DNER: variants seen among roughly 807,000 people sequenced by gnomAD.
The protein encoded by DNER is delta/notch like EGF repeat containing, also known as delta and Notch-like epidermal growth factor-related receptor.
Under a neutral mutation model 78.2 loss-of-function variants are expected in DNER, and 33 were observed. The ratio of observed to expected loss-of-function variants is 0.42; its 90% CI spans 0.32 to 0.56. DNER has a LOEUF of 0.56. Ranked by LOEUF, DNER falls within the 20% of genes least tolerant of loss-of-function variation. DNER has a pLI of 0.11. For missense variants in DNER, 918 were observed against 975.3 expected, an observed-to-expected ratio of 0.94 and a Z score of 0.78; for synonymous variants, 417 against 384.8, an observed-to-expected ratio of 1.08 and a Z score of -0.98.
intron 1 of DNER, among the ~76,000 whole-genome samples, chr2:229,688,425 T>C (rs751828479): frequency 1.2e-4 from 18 of 152,194 alleles, no homozygotes; most frequent in Non-Finnish European, 2.1e-4. Flanking sequence ...CAGCATCAAC[T>C]TGAAGACTGA....
intron 1 of DNER, among the ~76,000 whole-genome samples, chr2:229,606,669 G>A (rs1238739913): frequency 6.6e-6 from 1 of 152,018 alleles, no homozygotes; most frequent in African/African-American, 2.4e-5. Context: ...AAGGCAGGAG[G>A]ATCACTGGAG....
rs141823205 is a variant in DNER, at chr2:229,456,064, G to A, written c.1262-8524C>T. 2.7e-4 allele frequency among the ~76,000 whole-genome samples: 41 copies of A among 152,114 alleles called. 1 individual carries two copies. Among genetic ancestry groups the A allele is most frequent in the South Asian group, 2.5e-3 (12 of 4,818 alleles). On this transcript the variant is annotated intron_variant, in intron 7 of 12. Transcript: ENST00000341772. ...TACTACAAAGGGATACCTGAGACTGGGTAATTTATAAAGAAAAGAGGTTTA... is the reference window on the plus strand; with the variant it reads ...TACTACAAAGGGATACCTGAGACTGAGTAATTTATAAAGAAAAGAGGTTTA...
chr2:229,639,691 C>T (rs1341069925), intron 1 of DNER, among the ~76,000 whole-genome samples: 1 of 152,096 alleles, frequency 6.6e-6, no homozygotes. Context: ...GGAAAAATAG[C>T]TAAGAGCAAT....
chr2:229,451,683 G>C (rs1045070004), intron 7 of DNER, among the ~76,000 whole-genome samples: 1 of 152,158 alleles, frequency 6.6e-6, no homozygotes, highest in African/African-American at 2.4e-5. Flanking sequence ...GCAGAGCTGG[G>C]ACACCAAGGC....
At chr2:229,623,148 T>C (rs1347504226) in intron 1 of DNER, among the ~76,000 whole-genome samples, 1 of 152,098 alleles carries the variant, frequency 6.6e-6, no homozygotes, top group East Asian at 1.9e-4. Context: ...GGGAGCATTC[T>C]CCCTATTGCG....
chr2:229,707,428 G>A lies in DNER; in HGVS notation c.276+6720C>T, dbSNP rs115062567. 9.2e-3 allele frequency among the ~76,000 whole-genome samples: 1,398 copies of A among 152,238 alleles called. 24 individuals are homozygous for A. The highest frequency in any genetic ancestry group is 0.032 in the African/African-American group (1,328 of 41,534). ...ATTGAAAAATATTCTGCACTTCCCA[G>A]AACAGACCTGGCACAAGGGAAATGA... is the stretch of plus-strand genomic sequence containing the variant. On this transcript the variant is annotated intron_variant, in intron 1 of 12. Coordinates refer to ENST00000341772, the MANE Select transcript of DNER (RefSeq NM_139072.4).
At chr2:229,676,745 A>G (rs1472753915) in intron 1 of DNER, among the ~76,000 whole-genome samples, 2 of 152,064 alleles carry the variant, frequency 1.3e-5, no homozygotes, top group Non-Finnish European at 2.9e-5. Context: ...TTTATTTTGT[A>G]TTTTATTTTA....
intron 5 of DNER, among the ~76,000 whole-genome samples, chr2:229,519,782 A>T (rs1416713761): frequency 6.6e-6 from 1 of 152,006 alleles, no homozygotes; most frequent in Non-Finnish European, 1.5e-5. Flanking sequence ...ACTCTCAAAT[A>T]ACCCCGGCAA....
intron 10 of DNER, among the ~76,000 whole-genome samples, chr2:229,391,597 A>G (rs1400308795): frequency 6.6e-6 from 1 of 152,046 alleles, no homozygotes; most frequent in African/African-American, 2.4e-5. Context: ...GCTTGAGTGC[A>G]GTGGCACAAT....
At chr2:229,438,477 C>T (rs1463674863) in intron 8 of DNER, among the ~76,000 whole-genome samples, 1 of 152,148 alleles carries the variant, frequency 6.6e-6, no homozygotes, top group African/African-American at 2.4e-5. Flanking sequence ...CTCTCAATGC[C>T]TCCATTACCT....
intron 7 of DNER, 140 bp from the exon 8 acceptor site, chr2:229,447,680 G>A: frequency 4.1e-6 from 4 of 967,220 alleles, no homozygotes; most frequent in Non-Finnish European, 6.1e-6. Context: ...CAACAAGATA[G>A]GTAGGTTGTT....
chr2:229,469,195 A>G (rs550619701), intron 7 of DNER, among the ~76,000 whole-genome samples: 141 of 152,312 alleles, frequency 9.3e-4, no homozygotes, highest in African/African-American at 3.2e-3. Flanking sequence ...CCTGTCCTCA[A>G]CGAGCCCAGA....
chr2:229,535,792 C>T (rs1453712953), intron 5 of DNER, among the ~76,000 whole-genome samples: 4 of 152,010 alleles, frequency 2.6e-5, no homozygotes, highest in East Asian at 1.9e-4. Context: ...TACAGGTGTG[C>T]ACCACCATAT....
chr2:229,692,088 T>C (rs1466314503), intron 1 of DNER, among the ~76,000 whole-genome samples: 2 of 152,184 alleles, frequency 1.3e-5, no homozygotes. Flanking sequence ...TCCCAGACAC[T>C]GCTGTGCCTA....
At chr2:229,696,099 C>CT (rs1699659049) in intron 1 of DNER, among the ~76,000 whole-genome samples, 1 of 152,188 alleles carries the variant, frequency 6.6e-6, no homozygotes, top group South Asian at 2.1e-4. Context: ...ACCAAGTCTC[C>CT]TGGCAGTGGT....
chr2:229,678,522 G>A (rs997242262), intron 1 of DNER, among the ~76,000 whole-genome samples: 2 of 152,234 alleles, frequency 1.3e-5, no homozygotes, highest in African/African-American at 4.8e-5. Flanking sequence ...ACTTGGAGAA[G>A]TCAGGTAAGT....
chr2:229,578,837 T>G (rs1350722097), intron 4 of DNER, among the ~76,000 whole-genome samples: 3 of 152,186 alleles, frequency 2.0e-5, no homozygotes, highest in African/African-American at 7.2e-5. Flanking sequence ...AGAGCTTTAC[T>G]AAGGAATTCC....
chr2:229,684,224 A>T (rs1038387568), intron 1 of DNER, among the ~76,000 whole-genome samples: 5 of 129,124 alleles, frequency 3.9e-5, no homozygotes, highest in African/African-American at 1.6e-4. Context: ...GGGCTAAGGA[A>T]AGGCACAGTG....
At chr2:229,480,285 A>G (rs1559363088) in intron 6 of DNER, among the ~76,000 whole-genome samples, 1 of 152,176 alleles carries the variant, frequency 6.6e-6, no homozygotes, top group Non-Finnish European at 1.5e-5. Flanking sequence ...TAGGTTCCCC[A>G]TGAGGGTATT....
Sources: gnomAD v4.1 joint callset for allele counts (sites outside exome capture counted in the v4.1 genomes callset) on GRCh38, gnomAD v4.1.1 for gene constraint, MANE v1.5 for transcripts, NCBI Gene and HGNC (gene_info 2026-07-23, HGNC 2026-07-21) for gene names.